The following RBFOX1 variants were observed in gnomAD, a reference collection of about 807,000 sequenced individuals.
RBFOX1 encodes RNA binding protein fox-1 homolog 1.
A neutral mutation model predicts 57.7 loss-of-function variants in RBFOX1; 8 were observed. The observed-to-expected ratio is 0.14, with a 90% CI of 0.08 to 0.25. RBFOX1 has a LOEUF of 0.25. Among genes scored for constraint, RBFOX1 ranks in the 10% least tolerant of loss-of-function variants. RBFOX1 has a pLI of 1.00. For missense variants in RBFOX1, 611 were observed against 548.5 expected (o/e 1.11, Z -1.14); for synonymous variants, 326 against 222.4 (o/e 1.47, Z -4.15).
intron 4 of RBFOX1, among the ~76,000 whole-genome samples, chr16:5,894,137 A>G (rs2058105340): frequency 6.6e-6 from 1 of 152,184 alleles, no homozygotes; most frequent in Admixed American, 6.5e-5. Flanking sequence ...ACATGCCACC[A>G]AATTCGAACA....
intron 3 of RBFOX1, among the ~76,000 whole-genome samples, chr16:6,883,836 CT>C (rs2063432394): frequency 6.6e-6 from 1 of 151,430 alleles, no homozygotes; most frequent in Non-Finnish European, 1.5e-5. Context: ...TTTTTTCCCC[CT>C]AGGAATTAAT....
chr16:7,312,146 G>A (rs2096327386), intron 4 of RBFOX1, among the ~76,000 whole-genome samples: 1 of 152,222 alleles, frequency 6.6e-6, no homozygotes, highest in African/African-American at 2.4e-5. Flanking sequence ...TTAGGAGGCA[G>A]AGGCAGGTGG....
At chr16:7,113,607 T>C (rs1044435483) in intron 4 of RBFOX1, among the ~76,000 whole-genome samples, 3 of 152,216 alleles carry the variant, frequency 2.0e-5, no homozygotes, top group African/African-American at 7.2e-5. Context: ...ATTATTATGT[T>C]AGCATAGAGT....
At chr16:7,548,568 C>T (rs1362899932) in intron 5 of RBFOX1, among the ~76,000 whole-genome samples, 1 of 152,214 alleles carries the variant, frequency 6.6e-6, no homozygotes, top group East Asian at 1.9e-4. Flanking sequence ...GAGCTGTGAA[C>T]CAATGCAAGG....
intron 3 of RBFOX1, among the ~76,000 whole-genome samples, chr16:5,688,536 G>C (rs1035401044): frequency 6.6e-6 from 1 of 152,160 alleles, no homozygotes; most frequent in Non-Finnish European, 1.5e-5. Flanking sequence ...GATGTCCAGT[G>C]ATGTTCCCTT....
chr16:7,550,578 A>T (rs1297103846), intron 5 of RBFOX1, among the ~76,000 whole-genome samples: 1 of 152,154 alleles, frequency 6.6e-6, no homozygotes, highest in African/African-American at 2.4e-5. Flanking sequence ...GATGCTTTTC[A>T]TATTAACAAA....
At chr16:6,876,446 A>C (rs1174492133) in intron 3 of RBFOX1, among the ~76,000 whole-genome samples, 3 of 152,156 alleles carry the variant, frequency 2.0e-5, no homozygotes, top group Non-Finnish European at 4.4e-5. Context: ...AAATGAAGTG[A>C]TATCAAAAAT....
intron 3 of RBFOX1, among the ~76,000 whole-genome samples, chr16:6,682,331 G>T (rs1333143782): frequency 1.3e-5 from 2 of 152,232 alleles, no homozygotes; most frequent in Admixed American, 1.3e-4. Context: ...ACCACTAGAG[G>T]CGCCCCTTGT....
intron 3 of RBFOX1, among the ~76,000 whole-genome samples, chr16:5,768,778 G>A (rs534217524): frequency 2.6e-4 from 39 of 152,276 alleles, no homozygotes; most frequent in African/African-American, 9.1e-4. Flanking sequence ...GTAGCAAATG[G>A]CTTCTGTTGT....
intron 2 of RBFOX1, among the ~76,000 whole-genome samples, chr16:6,511,648 C>A (rs978028701): frequency 5.9e-5 from 9 of 152,162 alleles, no homozygotes; most frequent in South Asian, 2.1e-4. Context: ...TTAATATTTA[C>A]TAACTCCCTG....
At chr16:6,662,843 C>T (rs1356808258) in intron 3 of RBFOX1, among the ~76,000 whole-genome samples, 2 of 152,162 alleles carry the variant, frequency 1.3e-5, no homozygotes, top group African/African-American at 4.8e-5. Context: ...TTTCTGTTTA[C>T]TTCAACGAGC....
chr16:5,662,910 A>G (rs528006542), intron 3 of RBFOX1, among the ~76,000 whole-genome samples: 1 of 152,340 alleles, frequency 6.6e-6, no homozygotes, highest in South Asian at 2.1e-4. Flanking sequence ...AGCATATATC[A>G]TGTAGCTGGG....
chr16:6,591,249 C>T (rs1449946165), intron 2 of RBFOX1, among the ~76,000 whole-genome samples: 1 of 152,150 alleles, frequency 6.6e-6, no homozygotes, highest in East Asian at 1.9e-4. Context: ...AGTTCAAGAC[C>T]AGCCTGGCCA....
chr16:6,221,086 A>G (rs1349094500), intron 1 of RBFOX1, among the ~76,000 whole-genome samples: 1 of 152,134 alleles, frequency 6.6e-6, no homozygotes, highest in Non-Finnish European at 1.5e-5. Flanking sequence ...TTCCATATTT[A>G]AAATTATCTC....
At chr16:5,733,853 TG>T (rs2052474393) in intron 3 of RBFOX1, among the ~76,000 whole-genome samples, 1 of 152,008 alleles carries the variant, frequency 6.6e-6, no homozygotes, top group African/African-American at 2.4e-5. Flanking sequence ...TTCCCTGGGA[TG>T]CGTCTTCTTT....
rs2151849709 is a variant in RBFOX1 at position 5,842,855 on chromosome 16, G to C, written c.319-24448G>C. 2.6e-5 allele frequency among the ~76,000 whole-genome samples: 4 copies of C among 151,998 alleles called. No homozygotes were observed. The South Asian group carries it at 8.4e-4, about 32-fold the overall frequency. On this transcript the variant is annotated intron_variant, in intron 3 of 19. Transcript: ENST00000641259. ...TTATTTTGAGACAGACTCTCGCACT[G>C]TCGCCTGGACTAGAGTGCAGTGGCA...
At chr16:6,105,844 C>A (rs1423977175) in intron 1 of RBFOX1, among the ~76,000 whole-genome samples, 1 of 152,098 alleles carries the variant, frequency 6.6e-6, no homozygotes, top group Non-Finnish European at 1.5e-5. Context: ...CCATACCCTG[C>A]TATTGTTGCT....
intron 4 of RBFOX1, among the ~76,000 whole-genome samples, chr16:7,183,283 C>G (rs1335497554): frequency 6.6e-6 from 1 of 152,098 alleles, no homozygotes; most frequent in East Asian, 1.9e-4. Flanking sequence ...TCCCCAATGA[C>G]AAGTGTATCG....
intron 1 of RBFOX1, among the ~76,000 whole-genome samples, chr16:5,461,607 C>G (rs1369503487): frequency 6.6e-6 from 1 of 152,152 alleles, no homozygotes; most frequent in Admixed American, 6.5e-5. Context: ...TTGCCTGTCC[C>G]ATATTTCTGC....
Sources: gnomAD v4.1 joint callset for allele counts (sites outside exome capture counted in the v4.1 genomes callset) on GRCh38, gnomAD v4.1.1 for gene constraint, MANE v1.5 for transcripts, NCBI Gene and HGNC (gene_info 2026-07-23, HGNC 2026-07-21) for gene names.